The following STK32B variants were observed in gnomAD, a reference collection of about 807,000 sequenced individuals.
The protein encoded by STK32B is serine/threonine-protein kinase 32B.
STK32B carries 43 observed loss-of-function variants against 52.6 expected under a neutral mutation model. The observed-to-expected ratio is 0.82, with a 90% confidence interval of 0.64 to 1.05. STK32B has a LOEUF of 1.05. Ranked by LOEUF, STK32B falls within the 50% of genes least tolerant of loss-of-function variation. The probability of loss-of-function intolerance (pLI) is 0.00; values close to 1 mark genes in which losing one functional copy is unlikely to be tolerated. For missense variants in STK32B, 621 were observed against 534.6 expected, an observed-to-expected ratio of 1.16 and a Z score of -1.59; for synonymous variants, 238 against 204.3, an observed-to-expected ratio of 1.17 and a Z score of -1.41.
At chr4:5,347,510 G>A (rs1001329179) in intron 4 of STK32B, among the ~76,000 whole-genome samples, 13 of 152,140 alleles carry the variant, frequency 8.5e-5, no homozygotes, top group African/African-American at 3.1e-4. Context: ...TATTTTAGTA[G>A]AGCTTATGTA....
At chr4:5,128,552 G>A (rs1192869028) in intron 1 of STK32B, among the ~76,000 whole-genome samples, 1 of 148,284 alleles carries the variant, frequency 6.7e-6, no homozygotes, top group East Asian at 2.0e-4. Context: ...GTAAAAAGAG[G>A]TTTTAAGGCT....
chr4:5,326,592 C>G (rs1046052901), intron 3 of STK32B, among the ~76,000 whole-genome samples: 1 of 152,146 alleles, frequency 6.6e-6, no homozygotes, highest in Admixed American at 6.5e-5. Flanking sequence ...TTATACTACA[C>G]TGTATTCAGT....
At chr4:5,456,719 C>T in intron 7 of STK32B, 88 bp from the exon 8 acceptor site, 1 of 1,174,422 alleles carries the variant, frequency 8.5e-7, no homozygotes, top group East Asian at 2.6e-5. Flanking sequence ...AAGAATAAAC[C>T]ATCCCTCATA....
chr4:5,297,722 G>T (rs545467852), intron 3 of STK32B, among the ~76,000 whole-genome samples: 1 of 150,798 alleles, frequency 6.6e-6, no homozygotes, highest in East Asian at 2.0e-4. Flanking sequence ...CATTAGGTTA[G>T]AACATGCTCC....
the STK32B span, chr4:5,019,543 C>T: frequency 7.7e-7 from 1 of 1,305,142 alleles, no homozygotes; most frequent in Non-Finnish European, 9.9e-7. Flanking sequence ...GGGGCCAGCG[C>T]AGGCTGCGGT....
upstream of STK32B, among the ~76,000 whole-genome samples, chr4:5,048,648 G>C (rs965355690): frequency 6.6e-6 from 1 of 152,208 alleles, no homozygotes; most frequent in South Asian, 2.1e-4. Context: ...GGCCAGTCTC[G>C]AACTCCTGAC....
chr4:5,348,249 A>T (rs1419071916), intron 4 of STK32B, among the ~76,000 whole-genome samples: 1 of 152,154 alleles, frequency 6.6e-6, no homozygotes, highest in Non-Finnish European at 1.5e-5. Context: ...CCTGAGACTA[A>T]CATAAGGAAC....
At position 5,238,279 on chromosome 4, in the gene STK32B, G is replaced by A. The variant is rs547688685; in HGVS notation, c.260+69829G>A. 1.0e-3 allele frequency among the ~76,000 whole-genome samples: 154 copies of A among 152,184 alleles called. 3 individuals carry two copies. The highest frequency in any genetic ancestry group is 1.0e-2 in the South Asian group (48 of 4,814). On this transcript the variant is annotated intron_variant, in intron 3 of 11. Transcript: ENST00000282908. Reference sequence around the variant, plus strand: ...TTGCCTTCTCCAGCTTCTAGTGGGCGGTTGTAGGAATTCCTTGGCTTGTGA... The same window carrying A: ...TTGCCTTCTCCAGCTTCTAGTGGGCAGTTGTAGGAATTCCTTGGCTTGTGA...
At chr4:5,160,667 A>G (rs1342249200) in intron 2 of STK32B, among the ~76,000 whole-genome samples, 1 of 152,202 alleles carries the variant, frequency 6.6e-6, no homozygotes, top group East Asian at 1.9e-4. Flanking sequence ...AGCCACAGTT[A>G]TCAGCTAGGT....
intron 4 of STK32B, among the ~76,000 whole-genome samples, chr4:5,347,580 G>A (rs1385195855): frequency 6.6e-6 from 1 of 152,106 alleles, no homozygotes; most frequent in African/African-American, 2.4e-5. Context: ...CATACATTTG[G>A]TAATCACCTC....
Position 5,331,340 on chromosome 4 carries a change from C to G in STK32B, c.381C>G (p.Ile127Met), listed in dbSNP as rs1732236976. The G allele has an allele frequency of 7.4e-6, 12 of 1,613,912 alleles. No homozygotes were observed. Among genetic ancestry groups the G allele is most frequent in the African/African-American group, 1.3e-5 (1 of 75,044 alleles). ...CAGAGGGGACTGTGAAACTCTACAT[C>G]TGTGAGCTGGCACTGGCCCTGGAGT... is the stretch of plus-strand genomic sequence containing the variant. ...HFTEGTVKLY[I>M]CELALALEYL... The change falls in exon 4 of 12, where the codon ATC becomes ATG. Residue 127 changes from isoleucine (I) to methionine (M), a missense_variant. By Grantham distance (10) the Ile-to-Met change is conservative. Coordinates refer to ENST00000282908, the MANE Select transcript of STK32B (RefSeq NM_018401.3).
chr4:5,085,052 A>G (rs1712643799), intron 1 of STK32B, among the ~76,000 whole-genome samples: 1 of 152,244 alleles, frequency 6.6e-6, no homozygotes, highest in Non-Finnish European at 1.5e-5. Flanking sequence ...TCTGAGACAC[A>G]TTAACTTTCA....
At chr4:5,091,840 G>T (rs1021458542) in intron 1 of STK32B, among the ~76,000 whole-genome samples, 1 of 152,188 alleles carries the variant, frequency 6.6e-6, no homozygotes, top group African/African-American at 2.4e-5. Flanking sequence ...ATAATGTGGT[G>T]TATCCTTAAA....
chr4:5,357,706 A>C (rs1307813348), intron 4 of STK32B, among the ~76,000 whole-genome samples: 1 of 124,070 alleles, frequency 8.1e-6, no homozygotes, highest in Admixed American at 1.0e-4. Context: ...TGCTAGTTTC[A>C]CTTTCTGGTG....
chr4:5,221,993 C>T (rs773213975), intron 3 of STK32B, among the ~76,000 whole-genome samples: 53 of 152,102 alleles, frequency 3.5e-4, no homozygotes, highest in Non-Finnish European at 6.5e-4. Flanking sequence ...ACACAGTGGT[C>T]AGCTAGCTTG....
At chr4:5,233,924 C>G (rs1440019735) in intron 3 of STK32B, among the ~76,000 whole-genome samples, 7 of 151,966 alleles carry the variant, frequency 4.6e-5, no homozygotes, top group African/African-American at 1.7e-4. Flanking sequence ...AATGAGATGG[C>G]CGGAGTGTGC....
chr4:5,446,443 G>A (rs1715427954), intron 6 of STK32B, among the ~76,000 whole-genome samples: 1 of 151,906 alleles, frequency 6.6e-6, no homozygotes, highest in Admixed American at 6.6e-5. Flanking sequence ...GCAGGTGCCT[G>A]TAATCTCAGC....
chr4:5,137,708 G>A (rs1716156777), intron 1 of STK32B, among the ~76,000 whole-genome samples: 1 of 152,190 alleles, frequency 6.6e-6, no homozygotes. Context: ...ACTGGCTCCA[G>A]GGAATGTCCT....
chr4:5,414,005 A>T (rs1711936688), intron 5 of STK32B, among the ~76,000 whole-genome samples: 1 of 152,246 alleles, frequency 6.6e-6, no homozygotes, highest in Non-Finnish European at 1.5e-5. Context: ...ATGTAAAGAT[A>T]TATTCAGGAA....
Sources: allele counts gnomAD v4.1 joint callset (sites outside exome capture counted in the v4.1 genomes callset), GRCh38; gene constraint gnomAD v4.1.1; transcripts MANE v1.5; gene names NCBI Gene and HGNC (gene_info 2026-07-23, HGNC 2026-07-21).